CD163: variants seen among roughly 807,000 people sequenced by gnomAD.
CD163 encodes the protein CD163 molecule, also known as scavenger receptor cysteine-rich type 1 protein M130.
In CD163, 64 loss-of-function variants were observed where a neutral mutation model predicts 129.2. That is an observed-to-expected ratio of 0.50 (90% CI 0.41 to 0.61). CD163 has a LOEUF of 0.61. Ranked by LOEUF, CD163 falls within the 20% of genes least tolerant of loss-of-function variation. The probability of loss-of-function intolerance (pLI) is 0.00; values close to 1 mark genes in which losing one functional copy is unlikely to be tolerated. For missense variants in CD163, 1,061 were observed against 1,377.9 expected (o/e 0.77, Z 3.64); for synonymous variants, 446 against 478.5 (o/e 0.93, Z 0.89).
chr12:7,500,065 T>C (rs1328398497), intron 3 of CD163, among the ~76,000 whole-genome samples: 1 of 152,016 alleles, frequency 6.6e-6, no homozygotes, highest in Non-Finnish European at 1.5e-5. Context: ...CAGAGATAAG[T>C]CCTTTCTATA....
chr12:7,479,316 T>TA (rs1302734020), intron 16 of CD163, among the ~76,000 whole-genome samples: 1 of 152,170 alleles, frequency 6.6e-6, no homozygotes, highest in Non-Finnish European at 1.5e-5. Flanking sequence ...ACGTTCAATA[T>TA]ACGTTTTTGA....
intron 6 of CD163, among the ~76,000 whole-genome samples, chr12:7,492,423 G>T (rs1949338460): frequency 6.6e-6 from 1 of 152,104 alleles, no homozygotes; most frequent in Non-Finnish European, 1.5e-5. Context: ...GAATGGAGTT[G>T]ATGGGCAGAA....
At chr12:7,488,638 C>A (rs1032152968) in intron 6 of CD163, among the ~76,000 whole-genome samples, 2 of 152,166 alleles carry the variant, frequency 1.3e-5, no homozygotes, top group Non-Finnish European at 2.9e-5. Flanking sequence ...CAAAACATTT[C>A]GTGTATTCCT....
chr12:7,497,571 C>T (rs1404247738), intron 4 of CD163, among the ~76,000 whole-genome samples: 2 of 152,106 alleles, frequency 1.3e-5, no homozygotes, highest in South Asian at 2.1e-4. Flanking sequence ...TGTTGTACAC[C>T]TGAACCTGTT....
chr12:7,480,752 T>C (rs1309473834), intron 15 of CD163: 16 of 495,956 alleles, frequency 3.2e-5, no homozygotes, highest in Non-Finnish European at 3.9e-5. Context: ...TGCTTTGCTT[T>C]AGTAAGCTTT....
rs750296031 is a variant in CD163 at position 7,482,651 on chromosome 12, C to T, written c.3239G>A (p.Arg1080Gln). ...CCAAATTTGGCTCAAACCTGCAAGCCGCTGTCTCTGTCTTCGCTTTTTAGT... is the reference window on the plus strand; with the variant it reads ...CCAAATTTGGCTCAAACCTGCAAGCTGCTGTCTCTGTCTTCGCTTTTTAGT... ...FLTKKRRQRQRLAVSSRGENL... is the reference protein window; with the variant it reads ...FLTKKRRQRQQLAVSSRGENL... The change falls in exon 14 of 17, where the codon CGG (arginine) becomes CAG (glutamine). Residue 1080 changes from arginine (R) to glutamine (Q), a missense_variant. Arg to Gln is a conservative substitution (Grantham distance 43, BLOSUM62 1). Transcript: ENST00000432237. 75 of 1,613,932 alleles carry T rather than the reference C, an allele frequency of 4.6e-5. No individual in the cohort carries two copies. Among genetic ancestry groups the T allele is most frequent in the South Asian group, 1.4e-4 (13 of 91,072 alleles).
intron 1 of CD163, 28 bp downstream of exon 1, chr12:7,503,617 A>G: frequency 6.7e-7 from 1 of 1,491,682 alleles, no homozygotes; most frequent in Non-Finnish European, 9.3e-7. Context: ...ATTAAAGGGG[A>G]AATGTAGAAT....
intron 10 of CD163, 139 bp downstream of exon 10, chr12:7,486,360 G>GGACA: frequency 5.1e-6 from 4 of 784,392 alleles, no homozygotes; most frequent in Admixed American, 2.9e-5. Flanking sequence ...ATCAAACCCA[G>GGACA]ACTTCTGTTG....
intron 12 of CD163, 50 bp downstream of exon 12, chr12:7,483,317 C>T: frequency 6.4e-7 from 1 of 1,551,334 alleles, no homozygotes; most frequent in South Asian, 1.2e-5. Flanking sequence ...CTGCCCAACC[C>T]CTCTTTGCTG....
At position 7,482,972 on chromosome 12, in the gene CD163, T is replaced by C. The variant is rs748163507; in HGVS notation, c.3121A>G (p.Thr1041Ala). ...ISVQKTPQKA[T>A]TGRSSRQSSF... The stretch of plus-strand genomic sequence containing the variant: ...CATAAACTCCATGATATACCTGTTG[T>C]GGCTTTTTGTGGGGTTTTCTGCACT... The change falls in exon 13 of 17, where the codon ACA becomes GCA. Residue 1041 changes from threonine (T) to alanine (A), a missense_variant. Coordinates refer to ENST00000432237, the MANE Select transcript of CD163 (RefSeq NM_203416.4). The C allele has an allele frequency of 1.2e-6, 2 of 1,613,870 alleles. No individual in the cohort carries two copies. Among genetic ancestry groups the C allele is most frequent in the Non-Finnish European group, 1.7e-6 (2 of 1,179,856 alleles).
rs780185967 is a variant in CD163, at chr12:7,482,758, G to A, written c.3132C>T (p.Arg1044=). ...QKTPQKATTG[R]SSRQSSFIAV... ...CAATAAAGGATGACTGACGGGATGAGCGACCTAAGTAAAAGTAAATATCAA... is the reference window on the plus strand; with the variant it reads ...CAATAAAGGATGACTGACGGGATGAACGACCTAAGTAAAAGTAAATATCAA... Residue 1044 remains arginine, a synonymous_variant, in exon 14 of 17, where the codon CGC becomes CGT. Coordinates refer to ENST00000432237, the MANE Select transcript of CD163 (RefSeq NM_203416.4). 2 of 1,613,836 alleles carry A rather than the reference G, an allele frequency of 1.2e-6. No homozygotes were observed. Among genetic ancestry groups the A allele is most frequent in the Non-Finnish European group, 1.7e-6 (2 of 1,179,952 alleles).
chr12:7,487,065 A>G lies in CD163; in HGVS notation c.2051-79T>C, dbSNP rs774100363. ...GATGAAATGTTATATGGATGAGTTG[A>G]GGACAAACATAGCTTAGAGAGAGAG... is the stretch of plus-strand genomic sequence containing the variant. On this transcript the variant is annotated intron_variant, in intron 8 of 16. Transcript: ENST00000432237. This position sits in a 1 kb window ranked among gnomAD's most constrained non-coding sequence, Gnocchi z 5.1. 7 of 1,114,194 alleles carry G rather than the reference A, an allele frequency of 6.3e-6. No individual in the cohort carries two copies. In the Admixed American group the frequency reaches 1.3e-4, roughly 21 times the overall value. 69.0% of individuals were successfully genotyped at this position (1,114,194 alleles called of 1,614,324 possible).
intron 6 of CD163, among the ~76,000 whole-genome samples, chr12:7,494,745 A>C (rs1376308154): frequency 1.3e-5 from 2 of 152,202 alleles, no homozygotes; most frequent in Non-Finnish European, 2.9e-5. Flanking sequence ...GCTGAAGGTT[A>C]TGTCAGTTTA....
chr12:7,496,927 A>T lies in CD163; in HGVS notation c.985T>A (p.Trp329Arg), dbSNP rs1351119626. ...VNASKGFGHI[W>R]LDSVSCQGHE... is the part of the protein sequence containing the mutation. ...CCCTGGCAAGAAACGCTGTCAAGCC[A>T]GATGTGTCCAAATCCCTTACTGGCG... Residue 329 changes from tryptophan (W) to arginine (R), a missense_variant, in exon 5 of 17, where the codon TGG (tryptophan) becomes AGG (arginine). Coordinates refer to ENST00000432237, the MANE Select transcript of CD163 (RefSeq NM_203416.4). This position sits in a 1 kb window ranked among gnomAD's most constrained non-coding sequence, Gnocchi z 4.8. 6.2e-7 allele frequency: 1 copy of T among 1,614,038 alleles called. No homozygotes were observed. The highest frequency in any genetic ancestry group is 1.3e-5 in the African/African-American group (1 of 74,938).
At chr12:7,503,777 T>TA (rs1949525549), upstream of CD163, 3 of 809,202 alleles carry the variant, frequency 3.7e-6, no homozygotes, top group East Asian at 7.8e-5. Flanking sequence ...CTAAGAATTC[T>TA]AAAAATCACT....
intron 6 of CD163, among the ~76,000 whole-genome samples, chr12:7,490,530 A>G (rs1949313207): frequency 6.6e-6 from 1 of 152,046 alleles, no homozygotes; most frequent in African/African-American, 2.4e-5. Context: ...GTTGAAAATT[A>G]GACCTTCTGA....
At chr12:7,481,720 A>G (rs1251225876) in intron 14 of CD163, among the ~76,000 whole-genome samples, 11 of 152,132 alleles carry the variant, frequency 7.2e-5, no homozygotes, top group Admixed American at 6.5e-4. Context: ...ACTCCCCTAC[A>G]TGATACTCTT....
At chr12:7,481,119 A>G (rs773523728) in intron 15 of CD163, 42 bp downstream of exon 15, 3 of 1,602,048 alleles carry the variant, frequency 1.9e-6, no homozygotes, top group Non-Finnish European at 2.6e-6. Flanking sequence ...GCAGCCACTG[A>G]TCTGAACCCC....
chr12:7,475,905 C>A (rs536357644), intron 16 of CD163, among the ~76,000 whole-genome samples: 31 of 152,204 alleles, frequency 2.0e-4, no homozygotes, highest in Non-Finnish European at 3.7e-4. Flanking sequence ...GATACAAAAT[C>A]AATGTGCAAA....
Sources: gnomAD v4.1 joint callset for allele counts (sites outside exome capture counted in the v4.1 genomes callset) on GRCh38, gnomAD v4.1.1 for gene constraint, Gnocchi (gnomAD v3.1) non-coding constraint, MANE v1.5 for transcripts, NCBI Gene and HGNC (gene_info 2026-07-23, HGNC 2026-07-21) for gene names.